The following DTNA variants were observed in gnomAD, a reference collection of about 807,000 sequenced individuals.
The protein encoded by DTNA is dystrobrevin alpha, also known as dystrophin-related protein 3.
A neutral mutation model predicts 100.7 loss-of-function variants in DTNA; 43 were observed. The observed-to-expected ratio is 0.43, with a 90% CI of 0.33 to 0.55. The LOEUF (loss-of-function observed/expected upper bound fraction) is 0.55, where lower values mean the gene tolerates loss of function less well. Among genes scored for constraint, DTNA ranks in the 20% least tolerant of loss-of-function variants. The pLI, the probability that DTNA is intolerant of heterozygous loss-of-function variation, is 0.04. For missense variants in DTNA, 798 were observed against 953.9 expected (o/e 0.84, Z 2.15); for synonymous variants, 349 against 347.9 (o/e 1.00, Z -0.04).
intron 3 of DTNA, 52 bp downstream of exon 3, chr18:34,766,093 C>A: frequency 6.4e-7 from 1 of 1,574,322 alleles, no homozygotes; most frequent in Non-Finnish European, 8.7e-7. Flanking sequence ...CTATAGTTTA[C>A]ATTTGGTACT....
intron 1 of DTNA, among the ~76,000 whole-genome samples, chr18:34,516,017 T>A (rs1347514091): frequency 6.6e-6 from 1 of 152,124 alleles, no homozygotes; most frequent in African/African-American, 2.4e-5. Context: ...GCCAATCTTT[T>A]TCTATAACCA....
At chr18:34,852,183 G>A (rs143487736) in intron 15 of DTNA, among the ~76,000 whole-genome samples, 2 of 152,116 alleles carry the variant, frequency 1.3e-5, no homozygotes, top group South Asian at 2.1e-4. Flanking sequence ...CCCTCTAGAC[G>A]GTCTCACTTC....
intron 1 of DTNA, among the ~76,000 whole-genome samples, chr18:34,542,236 A>C (rs1215058956): frequency 6.6e-6 from 1 of 152,092 alleles, no homozygotes; most frequent in Non-Finnish European, 1.5e-5. Context: ...TGAATAGTCT[A>C]AATCTAAAAC....
intron 1 of DTNA, among the ~76,000 whole-genome samples, chr18:34,508,519 C>T (rs1447733435): frequency 6.6e-6 from 1 of 151,902 alleles, no homozygotes; most frequent in African/African-American, 2.4e-5. Flanking sequence ...ATTCCAAACC[C>T]CAGGATAGGG....
At chr18:34,729,020 C>G (rs548525857) in intron 1 of DTNA, among the ~76,000 whole-genome samples, 1 of 151,732 alleles carries the variant, frequency 6.6e-6, no homozygotes, top group African/African-American at 2.4e-5. Flanking sequence ...CACAGGCAGC[C>G]CCACCACAAT....
At chr18:34,567,584 C>G (rs1225956413) in intron 1 of DTNA, among the ~76,000 whole-genome samples, 1 of 151,904 alleles carries the variant, frequency 6.6e-6, no homozygotes, top group Non-Finnish European at 1.5e-5. Context: ...AATTTTATGT[C>G]ACTTATAATA....
intron 1 of DTNA, among the ~76,000 whole-genome samples, chr18:34,607,761 T>G (rs959939251): frequency 6.6e-6 from 1 of 152,210 alleles, no homozygotes; most frequent in Admixed American, 6.5e-5. Context: ...CTCAAAGTTC[T>G]GGGTTTTGCT....
intron 3 of DTNA, among the ~76,000 whole-genome samples, chr18:34,775,331 A>C (rs1391709544): frequency 6.6e-6 from 1 of 151,766 alleles, no homozygotes; most frequent in Non-Finnish European, 1.5e-5. Context: ...CTAAAAATAC[A>C]AAAAATTAAC....
Position 34,887,999 on chromosome 18 carries a change from AG to A in DTNA, c.*267del, listed in dbSNP as rs2096937962. 2 of 985,808 alleles carry A rather than the reference AG, an allele frequency of 2.0e-6. No homozygotes were observed. Among genetic ancestry groups the A allele is most frequent in the African/African-American group, 3.5e-5 (2 of 57,342 alleles). The allele number at this position is 985,808 out of a possible 1,614,324, so 61.1% of individuals were successfully genotyped here. A position where few individuals can be genotyped will look rare whatever the true frequency, so the allele number is the denominator to read the frequency against. On this transcript the variant is annotated 3_prime_UTR_variant, in exon 23 of 23. Coordinates refer to ENST00000444659, the MANE Select transcript of DTNA (RefSeq NM_001386795.1). ...TAGTGCATAGGTGTGTGTTTCAAGA[AG>A]GAAAAAAAAAGACTTCTGTTCAAAG...
At chr18:34,553,295 G>C (rs915270273) in intron 1 of DTNA, among the ~76,000 whole-genome samples, 1 of 151,660 alleles carries the variant, frequency 6.6e-6, no homozygotes, top group African/African-American at 2.4e-5. Context: ...TGTCAGATGA[G>C]TAGGTTGCGA....
chr18:34,888,472 A>T lies in DTNA; in HGVS notation c.*738A>T, dbSNP rs1603369877. On this transcript the variant is annotated 3_prime_UTR_variant, in exon 23 of 23. Transcript: ENST00000444659. ...ATCCATTCTTTGGGGCCTCTTTCCAACTCGAGGTTGTTTTCTTTCAAGATA... is the reference window on the plus strand; with the variant it reads ...ATCCATTCTTTGGGGCCTCTTTCCATCTCGAGGTTGTTTTCTTTCAAGATA... 8 of 985,316 alleles carry T rather than the reference A, an allele frequency of 8.1e-6. No individual in the cohort carries two copies. Among genetic ancestry groups the T allele is most frequent in the Non-Finnish European group, 9.6e-6 (8 of 829,874 alleles). 61.0% of individuals were successfully genotyped at this position (985,316 alleles called of 1,614,324 possible).
At chr18:34,829,961 C>T (rs984147292) in intron 11 of DTNA, among the ~76,000 whole-genome samples, 1 of 152,138 alleles carries the variant, frequency 6.6e-6, no homozygotes, top group Non-Finnish European at 1.5e-5. Context: ...CATTTTCCCC[C>T]CAGGGAGGGA....
intron 11 of DTNA, among the ~76,000 whole-genome samples, chr18:34,833,004 A>C (rs1253355402): frequency 6.6e-6 from 1 of 152,202 alleles, no homozygotes; most frequent in Non-Finnish European, 1.5e-5. Context: ...ATCAATAGAA[A>C]TGAAAATATC....
At chr18:34,607,375 A>G (rs1200317856) in intron 1 of DTNA, among the ~76,000 whole-genome samples, 1 of 152,222 alleles carries the variant, frequency 6.6e-6, no homozygotes, top group Non-Finnish European at 1.5e-5. Context: ...GAATATTGCA[A>G]TAGTCTGCTC....
intron 5 of DTNA, 62 bp downstream of exon 5, chr18:34,806,366 C>A: frequency 2.2e-6 from 3 of 1,391,946 alleles, no homozygotes; most frequent in Non-Finnish European, 3.0e-6. Context: ...CCTTTTCTCT[C>A]CCTCATTCCT....
intron 8 of DTNA, among the ~76,000 whole-genome samples, chr18:34,819,439 A>T (rs925696824): frequency 6.6e-6 from 1 of 152,240 alleles, no homozygotes; most frequent in Non-Finnish European, 1.5e-5. Context: ...CTGAGGACAG[A>T]TAGATACATT....
At chr18:34,684,483 C>A (rs1490108645) in intron 1 of DTNA, among the ~76,000 whole-genome samples, 2 of 152,010 alleles carry the variant, frequency 1.3e-5, no homozygotes, top group Admixed American at 1.3e-4. Context: ...TGAACTCGTT[C>A]TTTTTTTGGC....
intron 1 of DTNA, among the ~76,000 whole-genome samples, chr18:34,717,066 G>A (rs757206289): frequency 1.2e-4 from 19 of 152,118 alleles, no homozygotes; most frequent in Non-Finnish European, 2.4e-4. Flanking sequence ...GAATAACTGG[G>A]CCACACCTAC....
intron 9 of DTNA, among the ~76,000 whole-genome samples, chr18:34,824,917 T>C (rs2095820700): frequency 7.3e-6 from 1 of 137,046 alleles, no homozygotes; most frequent in Non-Finnish European, 1.5e-5. Context: ...ATTTTACAGG[T>C]AGCCTTAGAT....
Sources: gnomAD v4.1 joint callset for allele counts (sites outside exome capture counted in the v4.1 genomes callset) on GRCh38, gnomAD v4.1.1 for gene constraint, MANE v1.5 for transcripts, NCBI Gene and HGNC (gene_info 2026-07-23, HGNC 2026-07-21) for gene names.